DAB1: variants seen among roughly 807,000 people sequenced by gnomAD.
DAB1 encodes the protein disabled homolog 1.
DAB1 carries 15 observed loss-of-function variants against 64.6 expected under a neutral mutation model. That is an observed-to-expected ratio of 0.23 (90% confidence interval 0.16 to 0.36). DAB1 has a LOEUF of 0.36. Ranked by LOEUF, DAB1 falls within the 10% of genes least tolerant of loss-of-function variation. The pLI, the probability that DAB1 is intolerant of heterozygous loss-of-function variation, is 1.00. For missense variants in DAB1, 596 were observed against 706.7 expected, an observed-to-expected ratio of 0.84 and a Z score of 1.78; for synonymous variants, 235 against 251.9, an observed-to-expected ratio of 0.93 and a Z score of 0.64.
chr1:57,382,736 T>C (rs892277888), intron 1 of DAB1, among the ~76,000 whole-genome samples: 1 of 152,176 alleles, frequency 6.6e-6, no homozygotes, highest in African/African-American at 2.4e-5. Context: ...TTTTAGAGAT[T>C]CAGATGGTTC....
At chr1:57,288,344 G>A (rs1672498615) in intron 2 of DAB1, among the ~76,000 whole-genome samples, 1 of 152,094 alleles carries the variant, frequency 6.6e-6, no homozygotes. Context: ...AGAAGGAGAT[G>A]TGGTGTGTTA....
Position 57,894,193 on chromosome 1 carries a change from G to A in DAB1, n.388-10031C>T, listed in dbSNP as rs192915071. ...TTGCCCACTTGGGCCTCTTCCAAGT[G>A]TACTTTCCTTCCTTTTGTTCTTGCT... On this transcript the variant is annotated intron_variant and non_coding_transcript_variant, in intron 5 of 20. Transcript: ENST00000485760. 1.3e-3 allele frequency among the ~76,000 whole-genome samples: 202 copies of A among 152,292 alleles called. 3 individuals carry two copies. The highest frequency in any genetic ancestry group is 1.5e-4 in the Non-Finnish European group (10 of 68,024).
chr1:57,947,435 C>T (rs1453249986), intron 5 of DAB1, among the ~76,000 whole-genome samples: 1 of 152,120 alleles, frequency 6.6e-6, no homozygotes, highest in Admixed American at 6.6e-5. Flanking sequence ...TTAACCAGAG[C>T]ACACCTTGTT....
chr1:58,473,280 C>T lies in DAB1; in HGVS notation n.257+32780G>A, dbSNP rs565402456. ...CATGGGGGCCGGGCGCGGTGGCTCACGCCTGTAATCCCAGCACTTTGGGAG... is the reference window on the plus strand; with the variant it reads ...CATGGGGGCCGGGCGCGGTGGCTCATGCCTGTAATCCCAGCACTTTGGGAG... On this transcript the variant is annotated intron_variant and non_coding_transcript_variant, in intron 3 of 20. Transcript: ENST00000485760. 1.8e-3 allele frequency among the ~76,000 whole-genome samples: 271 copies of T among 152,242 alleles called. 1 individual carries two copies. The highest frequency in any genetic ancestry group is 6.3e-3 in the African/African-American group (261 of 41,542).
chr1:57,217,377 G>T (rs1666506136), intron 2 of DAB1, among the ~76,000 whole-genome samples: 1 of 152,122 alleles, frequency 6.6e-6, no homozygotes, highest in African/African-American at 2.4e-5. Flanking sequence ...AAGTCAGCTT[G>T]CTAGAATGAA....
At position 57,311,522 on chromosome 1, in the gene DAB1, C is replaced by CCACACACACACA. The variant is rs3042913; in HGVS notation, c.-136-20368_-136-20357dup. On this transcript the variant is annotated intron_variant, in intron 1 of 14. Coordinates refer to ENST00000371236, the MANE Select transcript of DAB1 (RefSeq NM_001365792.1). ...GTTCTTCCCCACCTCCTGCCAACCACCACACACACACACACACACCACTTC... is the reference window on the plus strand; with the variant it reads ...GTTCTTCCCCACCTCCTGCCAACCACCACACACACACACACACACACACACACACACCACTTC... 6.2e-3 allele frequency among the ~76,000 whole-genome samples: 933 copies of CCACACACACACA among 150,058 alleles called. 7 individuals are homozygous for CCACACACACACA. Among genetic ancestry groups the CCACACACACACA allele is most frequent in the African/African-American group, 0.021 (861 of 40,946 alleles).
intron 5 of DAB1, among the ~76,000 whole-genome samples, chr1:57,949,652 G>A (rs1357863811): frequency 3.9e-5 from 6 of 152,006 alleles, no homozygotes; most frequent in South Asian, 2.1e-4. Context: ...GAATCCTACT[G>A]TATGTGGTCT....
chr1:57,048,405 A>G lies in DAB1; in HGVS notation c.723+14479T>C, dbSNP rs150497648. 9.0e-3 allele frequency among the ~76,000 whole-genome samples: 1,373 copies of G among 152,330 alleles called. 24 individuals carry two copies. Among genetic ancestry groups the G allele is most frequent in the African/African-American group, 0.031 (1,309 of 41,572 alleles). ...ACTTGCCTAGAATCATACAGCTAAT[A>G]AGTATAGGCTCCAACTAACTTCAAA... On this transcript the variant is annotated intron_variant, in intron 9 of 14. Coordinates refer to ENST00000371236, the MANE Select transcript of DAB1 (RefSeq NM_001365792.1).
chr1:57,280,957 GA>G (rs1671838430), intron 2 of DAB1, among the ~76,000 whole-genome samples: 1 of 152,046 alleles, frequency 6.6e-6, no homozygotes, highest in African/African-American at 2.4e-5. Context: ...ATAGAAAAAA[GA>G]AAAATAATTA....
chr1:57,665,946 G>C (rs1646442926), intron 6 of DAB1, among the ~76,000 whole-genome samples: 1 of 149,730 alleles, frequency 6.7e-6, no homozygotes, highest in East Asian at 2.0e-4. Flanking sequence ...GTTTTTCAAT[G>C]TTGAAAACTC....
chr1:58,037,422 G>T (rs896629483), intron 5 of DAB1, among the ~76,000 whole-genome samples: 2 of 152,170 alleles, frequency 1.3e-5, no homozygotes, highest in Admixed American at 6.5e-5. Context: ...GAACTGGGCT[G>T]CACAGCAGGA....
intron 2 of DAB1, among the ~76,000 whole-genome samples, chr1:57,152,696 C>T (rs1455596095): frequency 3.9e-5 from 6 of 152,122 alleles, no homozygotes; most frequent in South Asian, 4.1e-4. Context: ...TAATTGTATA[C>T]GATGATATTT....
chr1:57,047,890 G>A lies in DAB1; in HGVS notation c.723+14994C>T, dbSNP rs185667200. Among the ~76,000 whole-genome samples the A allele has an allele frequency of 1.9e-3, 284 of 152,232 alleles. 3 individuals carry two copies. The highest frequency in any genetic ancestry group is 4.9e-4 in the Non-Finnish European group (33 of 68,034). Reference sequence around the variant, plus strand: ...CCTCCAGTAGACTAAAACCATCTTCGTCGCTGGGGCAGGTCTTGCTCATCC... The same window carrying A: ...CCTCCAGTAGACTAAAACCATCTTCATCGCTGGGGCAGGTCTTGCTCATCC... On this transcript the variant is annotated intron_variant, in intron 9 of 14. Coordinates refer to ENST00000371236, the MANE Select transcript of DAB1 (RefSeq NM_001365792.1).
intron 3 of DAB1, chr1:58,481,216 A>G: frequency 1.5e-6 from 1 of 646,446 alleles, no homozygotes; most frequent in Non-Finnish European, 2.6e-6. Context: ...ATATATATAC[A>G]TCAATGTATT....
intron 1 of DAB1, among the ~76,000 whole-genome samples, chr1:57,841,414 C>A (rs1461150465): frequency 6.6e-6 from 1 of 152,202 alleles, no homozygotes; most frequent in Non-Finnish European, 1.5e-5. Flanking sequence ...GGCAGTGCCC[C>A]AGTGAGGACT....
intron 1 of DAB1, among the ~76,000 whole-genome samples, chr1:57,417,153 G>T (rs964422799): frequency 1.3e-5 from 2 of 152,086 alleles, no homozygotes; most frequent in Non-Finnish European, 2.9e-5. Context: ...GTTACCAGGA[G>T]GTTTCAACTG....
intron 4 of DAB1, among the ~76,000 whole-genome samples, chr1:57,126,682 G>A (rs751252655): frequency 3.5e-4 from 53 of 152,092 alleles, no homozygotes; most frequent in Non-Finnish European, 4.9e-4. Flanking sequence ...TTTCATTGGC[G>A]TTTTCCTCAT....
At chr1:57,703,627 G>A (rs879340243) in intron 6 of DAB1, among the ~76,000 whole-genome samples, 12 of 152,172 alleles carry the variant, frequency 7.9e-5, no homozygotes, top group Admixed American at 7.2e-4. Flanking sequence ...CAATAGTGTG[G>A]TGATTCCTCA....
intron 2 of DAB1, among the ~76,000 whole-genome samples, chr1:57,257,744 G>C (rs1275245585): frequency 6.6e-6 from 1 of 152,200 alleles, no homozygotes; most frequent in Admixed American, 6.5e-5. Flanking sequence ...TCCCTCTGGG[G>C]GCTCTGGGAG....
Sources: gnomAD v4.1 joint callset for allele counts (sites outside exome capture counted in the v4.1 genomes callset) on GRCh38, gnomAD v4.1.1 for gene constraint, MANE v1.5 for transcripts, NCBI Gene and HGNC (gene_info 2026-07-23, HGNC 2026-07-21) for gene names.